SHANK2: variants seen among roughly 807,000 people sequenced by gnomAD.
SHANK2 encodes the protein SH3 and multiple ankyrin repeat domains protein 2.
A neutral mutation model predicts 133.7 loss-of-function variants in SHANK2; 43 were observed. The observed-to-expected ratio is 0.32, with a 90% confidence interval of 0.25 to 0.41. The LOEUF (loss-of-function observed/expected upper bound fraction) is 0.41, where lower values mean the gene tolerates loss of function less well. Among genes scored for constraint, SHANK2 ranks in the 10% least tolerant of loss-of-function variants. The pLI is 1.00. For missense variants in SHANK2, 1,994 were observed against 2,235.8 expected (o/e 0.89, Z 2.18); for synonymous variants, 1,017 against 952.8 (o/e 1.07, Z -1.24).
intron 14 of SHANK2, among the ~76,000 whole-genome samples, chr11:70,707,023 G>C (rs1326103708): frequency 1.3e-5 from 2 of 152,090 alleles, no homozygotes; most frequent in Non-Finnish European, 2.9e-5. Context: ...ACACTGAAAG[G>C]CCAAAAGCTA....
At chr11:70,785,166 CA>C (rs1947621636) in intron 14 of SHANK2, among the ~76,000 whole-genome samples, 1 of 152,152 alleles carries the variant, frequency 6.6e-6, no homozygotes, top group Admixed American at 6.5e-5. Flanking sequence ...GCTATGGGCC[CA>C]ATGGGCATGG....
intron 2 of SHANK2, among the ~76,000 whole-genome samples, chr11:71,220,958 T>C (rs1294827722): frequency 6.6e-6 from 1 of 151,750 alleles, no homozygotes; most frequent in African/African-American, 2.4e-5. Flanking sequence ...CCCAGCACTT[T>C]GGGAGGCTGA....
At chr11:70,593,158 C>T (rs923548242) in intron 17 of SHANK2, among the ~76,000 whole-genome samples, 1 of 152,174 alleles carries the variant, frequency 6.6e-6, no homozygotes, top group Non-Finnish European at 1.5e-5. Flanking sequence ...TCCCAGCACG[C>T]GTAGGACTTT....
rs180929352 is a variant in SHANK2, at chr11:70,827,284, G to T, written c.1175-6602C>A. ...ACTTTTTTTTTTTTTTTTTTAAAGA[G>T]AGAGATAAAAAGACAATTAAACTGA... On this transcript the variant is annotated intron_variant, in intron 11 of 25. Coordinates refer to ENST00000601538, the MANE Select transcript of SHANK2 (RefSeq NM_012309.5). 2.6e-3 allele frequency among the ~76,000 whole-genome samples: 374 copies of T among 143,332 alleles called. 3 individuals carry two copies. Among genetic ancestry groups the T allele is most frequent in the African/African-American group, 9.5e-3 (368 of 38,560 alleles). The allele number at this position is 143,332 out of a possible 152,430, so 94.0% of individuals were successfully genotyped here.
At chr11:70,660,300 C>T (rs1445624016) in intron 16 of SHANK2, among the ~76,000 whole-genome samples, 4 of 152,182 alleles carry the variant, frequency 2.6e-5, no homozygotes, top group African/African-American at 9.7e-5. Context: ...AAAGTTCCTC[C>T]CCTGCCACAC....
Position 70,806,988 on chromosome 11 carries a change from C to A in SHANK2, c.1663+14G>T, listed in dbSNP as rs1948176929. The A allele has an allele frequency of 1.4e-6, 1 of 715,598 alleles. No homozygotes were observed. The highest frequency in any genetic ancestry group is 2.0e-5 in the Admixed American group (1 of 49,560). 44.3% of individuals were successfully genotyped at this position (715,598 alleles called of 1,614,324 possible). The stretch of plus-strand genomic sequence containing the variant: ...CCTCACTCCAGGAGCGGAGGACAAC[C>A]AGCAGACACTGACCTTTGACCCTGT... On this transcript the variant is annotated intron_variant, in intron 13 of 25. Coordinates refer to ENST00000601538, the MANE Select transcript of SHANK2 (RefSeq NM_012309.5).
At position 71,093,246 on chromosome 11, in the gene SHANK2, G is replaced by A. The variant is rs182839852; in HGVS notation, c.745-657C>T. Among the ~76,000 whole-genome samples, 151 of 152,220 alleles carry A rather than the reference G, an allele frequency of 9.9e-4. 1 individual carries two copies. In the East Asian group the frequency reaches 0.011, roughly 11 times the overall value. ...GCAATACAGTGACTGCAACATTTGC[G>A]GAAGAGAGAAAAGGTGCATGGTTTA... On this transcript the variant is annotated intron_variant, in intron 7 of 25. Transcript: ENST00000601538.
intron 12 of SHANK2, among the ~76,000 whole-genome samples, chr11:70,810,048 T>C (rs1209098741): frequency 6.6e-6 from 1 of 152,208 alleles, no homozygotes; most frequent in East Asian, 1.9e-4. Flanking sequence ...AAAGGACCAC[T>C]GTTCCCCATC....
chr11:71,234,362 AAAATAAATAAATAAATAAAT>A (rs60796828), intron 1 of SHANK2, among the ~76,000 whole-genome samples: 3 of 141,056 alleles, frequency 2.1e-5, no homozygotes, highest in Non-Finnish European at 4.5e-5. Flanking sequence ...ACTCATCTCA[AAAATAAATAAATAAATAAAT>A]AAATAAATAA....
At chr11:70,795,211 G>C (rs1337102262) in intron 14 of SHANK2, among the ~76,000 whole-genome samples, 4 of 151,958 alleles carry the variant, frequency 2.6e-5, no homozygotes, top group African/African-American at 9.7e-5. Flanking sequence ...TCTGTGTTAG[G>C]GAGAAAGATG....
At chr11:70,883,758 G>A (rs1305806387) in intron 11 of SHANK2, among the ~76,000 whole-genome samples, 6 of 152,210 alleles carry the variant, frequency 3.9e-5, no homozygotes, top group African/African-American at 9.6e-5. Flanking sequence ...AACAAGACCC[G>A]GCCTCCACCT....
intron 2 of SHANK2, among the ~76,000 whole-genome samples, chr11:71,168,671 G>A (rs924150737): frequency 6.6e-6 from 1 of 152,156 alleles, no homozygotes; most frequent in Admixed American, 6.5e-5. Flanking sequence ...AAAAAAATAC[G>A]AAAACCAGTC....
intron 15 of SHANK2, among the ~76,000 whole-genome samples, chr11:70,680,614 AG>A (rs2134382489): frequency 6.6e-6 from 1 of 152,226 alleles, no homozygotes; most frequent in Admixed American, 6.5e-5. Context: ...TTAGCTGACA[AG>A]TCCCCCTCTG....
intron 17 of SHANK2, among the ~76,000 whole-genome samples, chr11:70,592,037 A>T (rs1167181716): frequency 2.8e-5 from 4 of 144,966 alleles, no homozygotes; most frequent in Admixed American, 2.1e-4. Context: ...CGTCTAAAAA[A>T]AAAATAAATA....
At chr11:71,199,929 C>T (rs572719736) in intron 2 of SHANK2, among the ~76,000 whole-genome samples, 30 of 152,220 alleles carry the variant, frequency 2.0e-4, no homozygotes, top group Non-Finnish European at 3.1e-4. Flanking sequence ...ATAGATTAAT[C>T]TCTCAAAGGC....
At chr11:70,625,496 T>C (rs1228238571) in intron 17 of SHANK2, among the ~76,000 whole-genome samples, 1 of 152,036 alleles carries the variant, frequency 6.6e-6, no homozygotes, top group Non-Finnish European at 1.5e-5. Flanking sequence ...GACACATACA[T>C]CAGGCAGGAT....
chr11:70,763,574 C>A (rs1213536150), intron 14 of SHANK2, among the ~76,000 whole-genome samples: 6 of 152,178 alleles, frequency 3.9e-5, no homozygotes, highest in African/African-American at 1.4e-4. Context: ...GGGCCAGCCT[C>A]ATGAAGGGGC....
chr11:70,728,792 A>G (rs111421878), intron 14 of SHANK2, among the ~76,000 whole-genome samples: 29 of 152,306 alleles, frequency 1.9e-4, no homozygotes, highest in African/African-American at 6.5e-4. Context: ...ACCTTCTCCT[A>G]CGCATGCCCT....
At chr11:70,912,395 G>C (rs1401215674) in intron 10 of SHANK2, among the ~76,000 whole-genome samples, 1 of 152,118 alleles carries the variant, frequency 6.6e-6, no homozygotes, top group Non-Finnish European at 1.5e-5. Flanking sequence ...TTGTGGGAGG[G>C]ACCCGGGGAG....
Sources: allele counts gnomAD v4.1 joint callset (sites outside exome capture counted in the v4.1 genomes callset), GRCh38; gene constraint gnomAD v4.1.1; transcripts MANE v1.5; gene names NCBI Gene and HGNC (gene_info 2026-07-23, HGNC 2026-07-21).